ABCC5: variants seen among roughly 807,000 people sequenced by gnomAD.
ABCC5 encodes ATP binding cassette subfamily C member 5, also known as ATP-binding cassette sub-family C member 5.
ABCC5 carries 61 observed loss-of-function variants against 160.9 expected under a neutral mutation model. That is an observed-to-expected ratio of 0.38 (90% CI 0.31 to 0.47). The LOEUF is 0.47. Ranked by LOEUF, ABCC5 falls within the 20% of genes least tolerant of loss-of-function variation. ABCC5 has a pLI of 0.99. For missense variants in ABCC5, 1,308 were observed against 1,813.3 expected (o/e 0.72, Z 5.06); for synonymous variants, 666 against 700.6 (o/e 0.95, Z 0.78).
At chr3:183,957,160 G>A (rs1240559466) in intron 17 of ABCC5, among the ~76,000 whole-genome samples, 1 of 105,242 alleles carries the variant, frequency 9.5e-6, no homozygotes, top group African/African-American at 3.4e-5. Context: ...ACATCACATC[G>A]GTTACATGTG....
In ABCC5 at chr3:183,951,366, C is replaced by T; in HGVS notation, c.2944+75G>A. 7 of 1,567,754 alleles carry T rather than the reference C, an allele frequency of 4.5e-6. No homozygotes were observed. Among genetic ancestry groups the T allele is most frequent in the South Asian group, 2.4e-5 (2 of 82,802 alleles). ...GGATCTACAGACAGACAGATCTGCA[C>T]ATTTGGAGAATCATCTAGAAGGCTG... is the stretch of plus-strand genomic sequence containing the variant. On this transcript the variant is annotated intron_variant, in intron 20 of 29. Transcript: ENST00000334444. This position sits in a 1 kb window ranked among gnomAD's most constrained non-coding sequence, Gnocchi z 4.7.
At chr3:183,985,503 G>T (rs1187390562) in intron 5 of ABCC5, 1 of 830,040 alleles carries the variant, frequency 1.2e-6, no homozygotes, top group East Asian at 2.4e-5. Context: ...CCTCTCTAAG[G>T]GTTTTACACT....
intron 2 of ABCC5, among the ~76,000 whole-genome samples, chr3:184,000,095 A>C (rs930904401): frequency 3.3e-5 from 5 of 151,932 alleles, no homozygotes; most frequent in African/African-American, 1.2e-4. Flanking sequence ...GCGGCGGCTC[A>C]CACCTACAAT....
At chr3:183,946,023 GGAC>G in intron 23 of ABCC5, 84 bp from the exon 24 acceptor site, 1 of 1,259,930 alleles carries the variant, frequency 7.9e-7, no homozygotes, top group Non-Finnish European at 1.2e-6. Context: ...TTCATCTAGA[GGAC>G]TACTAAGAAC....
chr3:183,942,447 T>C, intron 25 of ABCC5: 3 of 598,570 alleles, frequency 5.0e-6, no homozygotes, highest in Middle Eastern at 2.6e-4. Flanking sequence ...ATGTTACCAG[T>C]GCTTCTCTCT....
At chr3:183,970,825 A>T (rs1012768429) in intron 11 of ABCC5, among the ~76,000 whole-genome samples, 3 of 152,144 alleles carry the variant, frequency 2.0e-5, no homozygotes, top group Admixed American at 1.3e-4. Context: ...CTAGAATGTA[A>T]ACTCCAAGAA....
intron 10 of ABCC5, among the ~76,000 whole-genome samples, chr3:183,976,852 T>C (rs1337224090): frequency 6.6e-6 from 1 of 152,134 alleles, no homozygotes; most frequent in African/African-American, 2.4e-5. Context: ...CCTTTTTTTG[T>C]TAAGTATTAA....
At position 183,976,052 on chromosome 3, in the gene ABCC5, GCT is replaced by G. The variant is rs1278433601; in HGVS notation, c.1404+1463_1404+1464del. ...GTTATTGCGGATTCAGCAAAATAAA[GCT>G]CTGAGTCCCATTAGGCCATTTTTTT... On this transcript the variant is annotated intron_variant, in intron 10 of 29. Coordinates refer to ENST00000334444, the MANE Select transcript of ABCC5 (RefSeq NM_005688.4). 2.0e-5 allele frequency among the ~76,000 whole-genome samples: 3 copies of G among 151,154 alleles called. No homozygotes were observed. In the East Asian group the frequency reaches 5.8e-4, roughly 29 times the overall value.
At chr3:183,923,164 GT>G (rs1268689715) in intron 29 of ABCC5, among the ~76,000 whole-genome samples, 86 of 143,276 alleles carry the variant, frequency 6.0e-4, no homozygotes, top group East Asian at 1.0e-3. Context: ...TGTGTGTGTG[GT>G]TTTTTTTTTT....
At chr3:183,956,968 G>A (rs77497053) in intron 17 of ABCC5, among the ~76,000 whole-genome samples, 1 of 147,582 alleles carries the variant, frequency 6.8e-6, no homozygotes, top group Non-Finnish European at 1.5e-5. Flanking sequence ...ACATCACATC[G>A]GTTACATGCG....
chr3:183,953,490 G>A (rs1715575781), intron 17 of ABCC5, among the ~76,000 whole-genome samples: 1 of 152,096 alleles, frequency 6.6e-6, no homozygotes. Flanking sequence ...AGAGGATGAA[G>A]ACCAGGTCCC....
chr3:183,927,455 G>T lies in ABCC5; in HGVS notation c.3934-12C>A. ...GGTAGCTGAGCAATCTAGGGAGAAA[G>T]AAACTAGAGATCAGAGGGGTAAGAA... On this transcript the variant is annotated splice_polypyrimidine_tract_variant and intron_variant, in intron 27 of 29. Coordinates refer to ENST00000334444, the MANE Select transcript of ABCC5 (RefSeq NM_005688.4). 6.2e-7 allele frequency: 1 copy of T among 1,606,674 alleles called. No individual in the cohort carries two copies. The highest frequency in any genetic ancestry group is 8.5e-7 in the Non-Finnish European group (1 of 1,175,798).
At chr3:183,957,282 G>C (rs373458455) in intron 17 of ABCC5, among the ~76,000 whole-genome samples, 34 of 60,154 alleles carry the variant, frequency 5.7e-4, no homozygotes, top group East Asian at 6.9e-4. Context: ...GTGTGTATAT[G>C]ACATCAGTTA....
chr3:183,935,167 C>T (rs1185196991), intron 26 of ABCC5, among the ~76,000 whole-genome samples: 1 of 151,902 alleles, frequency 6.6e-6, no homozygotes, highest in African/African-American at 2.4e-5. Flanking sequence ...GCATGAGCCA[C>T]CACGCCTGGC....
At chr3:183,985,353 C>T (rs1349657375) in intron 5 of ABCC5, 6 of 1,613,806 alleles carry the variant, frequency 3.7e-6, no homozygotes, top group Non-Finnish European at 5.1e-6. Context: ...TCATTCTGAC[C>T]GCAGAATACA....
chr3:183,975,220 C>T (rs1718106983), intron 10 of ABCC5, among the ~76,000 whole-genome samples: 1 of 152,046 alleles, frequency 6.6e-6, no homozygotes, highest in Non-Finnish European at 1.5e-5. Context: ...TAAACAGTTG[C>T]CTTACACCTA....
At chr3:183,983,665 C>A in intron 5 of ABCC5, 1 of 897,172 alleles carries the variant, frequency 1.1e-6, no homozygotes, top group Non-Finnish European at 1.3e-6. Flanking sequence ...CCAAGAACCA[C>A]CGAGTGCCAC....
At chr3:184,014,866 A>G (rs758403915) in intron 1 of ABCC5, among the ~76,000 whole-genome samples, 6 of 152,240 alleles carry the variant, frequency 3.9e-5, no homozygotes, top group Non-Finnish European at 8.8e-5. Flanking sequence ...TTCTTCTACT[A>G]AATTTTACTA....
intron 2 of ABCC5, among the ~76,000 whole-genome samples, chr3:184,004,469 C>CCACT (rs1377215649): frequency 6.9e-6 from 1 of 145,556 alleles, no homozygotes. Flanking sequence ...CAAGACCATG[C>CCACT]CACTGCACTC....
Sources: gnomAD v4.1 joint callset for allele counts (sites outside exome capture counted in the v4.1 genomes callset) on GRCh38, gnomAD v4.1.1 for gene constraint, Gnocchi (gnomAD v3.1) non-coding constraint, MANE v1.5 for transcripts, NCBI Gene and HGNC (gene_info 2026-07-23, HGNC 2026-07-21) for gene names.